IQCM: variants seen among roughly 807,000 people sequenced by gnomAD.
The protein encoded by IQCM is IQ motif containing M, also known as IQ domain-containing protein M.
IQCM carries 45 observed loss-of-function variants against 57.6 expected under a neutral mutation model. That is an observed-to-expected ratio of 0.78 (90% CI 0.62 to 1.00). The LOEUF is 1.00. Ranked by LOEUF, IQCM falls within the 50% of genes least tolerant of loss-of-function variation. The pLI, the probability that IQCM is intolerant of heterozygous loss-of-function variation, is 0.00. For missense variants in IQCM, 468 were observed against 511.6 expected (o/e 0.91, Z 0.82); for synonymous variants, 148 against 158.9 (o/e 0.93, Z 0.51).
chr4:149,549,686 C>A (rs888108203), intron 11 of IQCM, among the ~76,000 whole-genome samples: 1 of 152,214 alleles, frequency 6.6e-6, no homozygotes, highest in Admixed American at 6.5e-5. Flanking sequence ...TGTAAGTCAA[C>A]ATTTATAGGA....
intron 7 of IQCM, among the ~76,000 whole-genome samples, chr4:149,627,792 G>A (rs1480689280): frequency 6.6e-6 from 1 of 152,198 alleles, no homozygotes; most frequent in African/African-American, 2.4e-5. Context: ...ATTCTGAAAT[G>A]GGGAGGGAGA....
intron 7 of IQCM, among the ~76,000 whole-genome samples, chr4:149,632,463 TA>T (rs1252819258): frequency 1.3e-5 from 2 of 152,086 alleles, no homozygotes; most frequent in East Asian, 3.9e-4. Flanking sequence ...TCTAATCCCC[TA>T]AAAAAGATTA....
chr4:149,607,012 G>A (rs575591087), intron 8 of IQCM, among the ~76,000 whole-genome samples: 2 of 152,132 alleles, frequency 1.3e-5, no homozygotes, highest in East Asian at 1.9e-4. Context: ...AATAATAACA[G>A]AGAACTTTCC....
chr4:149,405,931 T>C (rs981974518), intron 13 of IQCM, among the ~76,000 whole-genome samples: 1 of 148,576 alleles, frequency 6.7e-6, no homozygotes, highest in African/African-American at 2.4e-5. Context: ...TATGTAAATA[T>C]ATATATATCC....
intron 12 of IQCM, among the ~76,000 whole-genome samples, chr4:149,481,051 T>C (rs1214204899): frequency 6.6e-6 from 1 of 152,200 alleles, no homozygotes; most frequent in African/African-American, 2.4e-5. Flanking sequence ...CATTTGTATG[T>C]CTTCTTTGGA....
At chr4:149,594,510 T>C (rs939001803) in intron 8 of IQCM, among the ~76,000 whole-genome samples, 3 of 152,202 alleles carry the variant, frequency 2.0e-5, no homozygotes, top group African/African-American at 7.2e-5. Context: ...TTTGAATGTG[T>C]TTGCTCTTGC....
At chr4:149,648,122 C>T (rs150783261) in intron 7 of IQCM, among the ~76,000 whole-genome samples, 36 of 152,196 alleles carry the variant, frequency 2.4e-4, no homozygotes, top group African/African-American at 7.9e-4. Flanking sequence ...TTTTCATCTT[C>T]TCATTTATTT....
chr4:149,776,919 A>G (rs1372913722), intron 2 of IQCM, among the ~76,000 whole-genome samples: 2 of 152,194 alleles, frequency 1.3e-5, no homozygotes, highest in Admixed American at 1.3e-4. Context: ...TATTTTTTAA[A>G]TCAGAAATTT....
At chr4:149,457,908 GT>G (rs1321303936) in intron 12 of IQCM, among the ~76,000 whole-genome samples, 2 of 151,916 alleles carry the variant, frequency 1.3e-5, no homozygotes, top group African/African-American at 4.8e-5. Flanking sequence ...TCATATACAA[GT>G]TATAATTGTT....
chr4:149,535,990 G>C (rs1747253221), intron 12 of IQCM, among the ~76,000 whole-genome samples: 1 of 151,920 alleles, frequency 6.6e-6, no homozygotes, highest in African/African-American at 2.4e-5. Context: ...AAAGTGCTAG[G>C]GAAGAGAGCA....
chr4:149,627,365 T>A (rs906384794), intron 7 of IQCM, among the ~76,000 whole-genome samples: 7 of 152,012 alleles, frequency 4.6e-5, no homozygotes, highest in African/African-American at 1.7e-4. Flanking sequence ...CTGAGAAAAA[T>A]CCACATGTTC....
At chr4:149,497,747 T>A (rs75783447) in intron 12 of IQCM, among the ~76,000 whole-genome samples, 171 of 95,892 alleles carry the variant, frequency 1.8e-3, no homozygotes, top group South Asian at 0.015. Context: ...TATTTCACTT[T>A]AAAAAAAAAA....
chr4:149,433,108 G>A (rs1735022587), intron 13 of IQCM, among the ~76,000 whole-genome samples: 1 of 151,942 alleles, frequency 6.6e-6, no homozygotes, highest in Non-Finnish European at 1.5e-5. Context: ...TCCTGAACAT[G>A]AATGTTCATA....
intron 10 of IQCM, 45 bp from the exon 11 acceptor site, chr4:149,553,332 TTA>T: frequency 8.2e-7 from 1 of 1,214,640 alleles, no homozygotes. Flanking sequence ...GTATTTATAT[TTA>T]ATTTGATTTC....
intron 4 of IQCM, 137 bp downstream of exon 4, chr4:149,735,239 A>G: frequency 2.4e-6 from 1 of 415,304 alleles, no homozygotes; most frequent in East Asian, 3.6e-5. Flanking sequence ...GCTAGTGAGC[A>G]TTTCATTTTT....
At chr4:149,780,428 C>T (rs1242063243) in intron 2 of IQCM, 1 of 151,912 alleles carries the variant, frequency 6.6e-6, no homozygotes, top group Non-Finnish European at 1.5e-5. Flanking sequence ...AAAGTGACTA[C>T]CAACCAAGAC....
intron 9 of IQCM, among the ~76,000 whole-genome samples, chr4:149,576,781 G>A (rs60312722): frequency 6.6e-6 from 1 of 151,604 alleles, no homozygotes; most frequent in East Asian, 2.0e-4. Context: ...TTGCTACATT[G>A]AATGATAGTT....
intron 13 of IQCM, among the ~76,000 whole-genome samples, chr4:149,422,595 T>C (rs1318572041): frequency 6.6e-6 from 1 of 151,990 alleles, no homozygotes; most frequent in Non-Finnish European, 1.5e-5. Context: ...GTTTGGGAGA[T>C]TGTGCATGTG....
chr4:149,540,471 A>T (rs1372749822), intron 12 of IQCM, among the ~76,000 whole-genome samples: 2 of 151,902 alleles, frequency 1.3e-5, no homozygotes, highest in Admixed American at 1.3e-4. Flanking sequence ...AGAGACAAAA[A>T]GCAGATCAGT....
Sources: gnomAD v4.1 joint callset for allele counts (sites outside exome capture counted in the v4.1 genomes callset) on GRCh38, gnomAD v4.1.1 for gene constraint, MANE v1.5 for transcripts, NCBI Gene and HGNC (gene_info 2026-07-23, HGNC 2026-07-21) for gene names.